Variants in ROBO1 observed in about 807,000 individuals in gnomAD.
The protein encoded by ROBO1 is roundabout homolog 1.
A neutral mutation model predicts 195.9 loss-of-function variants in ROBO1; 149 were observed. That is an observed-to-expected ratio of 0.76 (90% CI 0.67 to 0.87). The LOEUF (loss-of-function observed/expected upper bound fraction) is 0.87. Ranked by LOEUF, ROBO1 falls within the 40% of genes least tolerant of loss-of-function variation. ROBO1 has a pLI of 0.00. For missense variants in ROBO1, 1,933 were observed against 2,068.3 expected, an observed-to-expected ratio of 0.93 and a Z score of 1.27; for synonymous variants, 816 against 733.2, an observed-to-expected ratio of 1.11 and a Z score of -1.82.
intron 2 of ROBO1, among the ~76,000 whole-genome samples, chr3:79,491,284 A>G (rs1050643719): frequency 6.6e-6 from 1 of 151,290 alleles, no homozygotes; most frequent in Non-Finnish European, 1.5e-5. Flanking sequence ...GTGATTAAAT[A>G]CTTGACTACA....
At chr3:79,349,326 G>A (rs2035252246) in intron 2 of ROBO1, among the ~76,000 whole-genome samples, 1 of 152,028 alleles carries the variant, frequency 6.6e-6, no homozygotes, top group Non-Finnish European at 1.5e-5. Context: ...TAATAAATAG[G>A]AAAATAACCA....
intron 21 of ROBO1, among the ~76,000 whole-genome samples, chr3:78,640,122 T>C (rs866195526): frequency 3.9e-5 from 6 of 152,174 alleles, no homozygotes; most frequent in African/African-American, 1.4e-4. Flanking sequence ...GGAAGAGTTA[T>C]GCATCAGACC....
chr3:78,997,441 AC>A, intron 3 of ROBO1, among the ~76,000 whole-genome samples: 1 of 152,176 alleles, frequency 6.6e-6, no homozygotes, highest in South Asian at 2.1e-4. Context: ...AAATGAACAA[AC>A]CATTCCACTA....
intron 10 of ROBO1, among the ~76,000 whole-genome samples, chr3:78,676,009 G>A (rs566992767): frequency 1.1e-4 from 17 of 152,170 alleles, no homozygotes; most frequent in African/African-American, 2.2e-4. Context: ...AGCAGCATTC[G>A]AGGTTCATGA....
At chr3:78,627,951 ACT>A (rs1491361524) in intron 25 of ROBO1, among the ~76,000 whole-genome samples, 7 of 130,512 alleles carry the variant, frequency 5.4e-5, no homozygotes, top group African/African-American at 2.1e-4. Flanking sequence ...GAGAAAAATT[ACT>A]CTTTTTTTTT....
chr3:79,668,770 C>A lies in ROBO1; in HGVS notation c.-50-78809G>T, dbSNP rs564271550. Among the ~76,000 whole-genome samples the A allele has an allele frequency of 8.8e-4, 134 of 151,720 alleles. 1 individual carries two copies. The highest frequency in any genetic ancestry group is 3.0e-3 in the African/African-American group (126 of 41,424). On this transcript the variant is annotated intron_variant, in intron 1 of 30. Transcript: ENST00000464233. ...AACCTAAATGTAAGAAAAAGAAAGACAATTTTTGAGTTTTATAATTTGAAT... is the reference window on the plus strand; with the variant it reads ...AACCTAAATGTAAGAAAAAGAAAGAAAATTTTTGAGTTTTATAATTTGAAT...
At chr3:78,631,102 G>A in intron 25 of ROBO1, 59 bp downstream of exon 25, 1 of 1,538,546 alleles carries the variant, frequency 6.5e-7, no homozygotes, top group Non-Finnish European at 8.8e-7. Context: ...AATAATTGCT[G>A]AAAATGGGCT....
intron 1 of ROBO1, among the ~76,000 whole-genome samples, chr3:79,604,866 A>G (rs1373657736): frequency 6.6e-6 from 1 of 152,018 alleles, no homozygotes; most frequent in Non-Finnish European, 1.5e-5. Flanking sequence ...TTCTACCAGT[A>G]TTACGCAATG....
intron 2 of ROBO1, among the ~76,000 whole-genome samples, chr3:79,387,954 C>T (rs2036815509): frequency 6.6e-6 from 1 of 152,062 alleles, no homozygotes; most frequent in African/African-American, 2.4e-5. Flanking sequence ...AATTTGTATA[C>T]CCAGCAATTC....
intron 8 of ROBO1, among the ~76,000 whole-genome samples, chr3:78,704,429 T>A (rs2081497824): frequency 6.6e-6 from 1 of 152,132 alleles, no homozygotes. Context: ...ACCACAGATT[T>A]ACAAAGTAGG....
At chr3:78,705,340 T>A (rs916640993) in intron 8 of ROBO1, among the ~76,000 whole-genome samples, 6 of 152,178 alleles carry the variant, frequency 3.9e-5, no homozygotes, top group African/African-American at 1.4e-4. Context: ...AAGCACCCCA[T>A]AATCCACACC....
chr3:79,005,149 T>C (rs772086981), intron 3 of ROBO1, among the ~76,000 whole-genome samples: 1 of 152,196 alleles, frequency 6.6e-6, no homozygotes, highest in Admixed American at 6.5e-5. Flanking sequence ...GACAATAAAA[T>C]GTTGGTGACG....
At chr3:79,753,558 G>A (rs1704234413) in intron 1 of ROBO1, among the ~76,000 whole-genome samples, 1 of 152,216 alleles carries the variant, frequency 6.6e-6, no homozygotes, top group Non-Finnish European at 1.5e-5. Flanking sequence ...CAAGCAGTAA[G>A]TGTTCTACAG....
chr3:79,546,907 C>A lies in ROBO1; in HGVS notation c.88+42917G>T, dbSNP rs528759744. On this transcript the variant is annotated intron_variant, in intron 2 of 30. Coordinates refer to ENST00000464233, the MANE Select transcript of ROBO1 (RefSeq NM_002941.4). ...TAAAAAATACGGACTTGAGGCCGGGCGCGGTGGCTCACGCCTGTAATCCCA... is the reference window on the plus strand; with the variant it reads ...TAAAAAATACGGACTTGAGGCCGGGAGCGGTGGCTCACGCCTGTAATCCCA... Among the ~76,000 whole-genome samples, 6 of 152,060 alleles carry A rather than the reference C, an allele frequency of 3.9e-5. No individual in the cohort carries two copies. In the South Asian group the frequency reaches 1.0e-3, roughly 26 times the overall value.
chr3:79,180,755 T>TCATG (rs1179322077), intron 2 of ROBO1, among the ~76,000 whole-genome samples: 4 of 152,104 alleles, frequency 2.6e-5, no homozygotes, highest in Admixed American at 2.0e-4. Context: ...TTATGATGGG[T>TCATG]CATGACTGGG....
intron 3 of ROBO1, among the ~76,000 whole-genome samples, chr3:78,978,201 C>A (rs904709929): frequency 2.0e-5 from 3 of 151,792 alleles, no homozygotes; most frequent in East Asian, 1.9e-4. Flanking sequence ...ATTAAAAAAA[C>A]CAGTAAACAT....
Position 79,497,655 on chromosome 3 carries a change from C to G in ROBO1, c.88+92169G>C, listed in dbSNP as rs540760545. On this transcript the variant is annotated intron_variant, in intron 2 of 30. Coordinates refer to ENST00000464233, the MANE Select transcript of ROBO1 (RefSeq NM_002941.4). The stretch of plus-strand genomic sequence containing the variant: ...AATTTGATTATCCCCCTTGAAACTG[C>G]GAAGGGACAAAAATCTTGGCACATG... 2.0e-5 allele frequency among the ~76,000 whole-genome samples: 3 copies of G among 152,184 alleles called. No homozygotes were observed. The East Asian group carries it at 5.8e-4, about 29-fold the overall frequency.
At chr3:78,671,635 G>A (rs1708071436) in intron 10 of ROBO1, among the ~76,000 whole-genome samples, 1 of 151,896 alleles carries the variant, frequency 6.6e-6, no homozygotes, top group South Asian at 2.1e-4. Flanking sequence ...AAGCAATGGA[G>A]TGAAATCAGC....
At chr3:78,926,909 C>G (rs2039253718) in intron 4 of ROBO1, among the ~76,000 whole-genome samples, 1 of 152,088 alleles carries the variant, frequency 6.6e-6, no homozygotes, top group Non-Finnish European at 1.5e-5. Flanking sequence ...GGTTAAATGT[C>G]CTAACTTCGG....
Sources: allele counts gnomAD v4.1 joint callset (sites outside exome capture counted in the v4.1 genomes callset), GRCh38; gene constraint gnomAD v4.1.1; transcripts MANE v1.5; gene names NCBI Gene and HGNC (gene_info 2026-07-23, HGNC 2026-07-21).